UNC119B: variants seen among roughly 807,000 people sequenced by gnomAD.
UNC119B encodes unc-119 lipid binding chaperone B, also known as protein unc-119 homolog B.
UNC119B carries 16 observed loss-of-function variants against 23.4 expected under a neutral mutation model. The observed-to-expected ratio is 0.68, with a 90% confidence interval of 0.46 to 1.04. The LOEUF (loss-of-function observed/expected upper bound fraction) is 1.04. UNC119B is among the 50% of genes least tolerant of loss of function. The pLI is 0.00. For missense variants in UNC119B, 350 were observed against 361.3 expected, an observed-to-expected ratio of 0.97 and a Z score of 0.25; for synonymous variants, 144 against 145.4, an observed-to-expected ratio of 0.99 and a Z score of 0.07.
chr12:120,713,434 G>A (rs1322601455), intron 2 of UNC119B, 47 bp downstream of exon 2: 4 of 1,445,906 alleles, frequency 2.8e-6, no homozygotes, highest in Admixed American at 1.8e-5. Flanking sequence ...TGAGCCAAAG[G>A]TCTTTGAAAC....
intron 1 of UNC119B, among the ~76,000 whole-genome samples, chr12:120,712,805 G>A (rs1376877424): frequency 6.6e-6 from 1 of 152,210 alleles, no homozygotes; most frequent in Non-Finnish European, 1.5e-5. Flanking sequence ...TGGCGGCAAA[G>A]CCTAAATTAT....
chr12:120,718,193 C>T (rs545222507), intron 4 of UNC119B, among the ~76,000 whole-genome samples: 4 of 152,132 alleles, frequency 2.6e-5, no homozygotes, highest in Admixed American at 1.3e-4. Flanking sequence ...ATAATACAGG[C>T]CATCCTTTTA....
At chr12:120,713,624 T>C (rs558968495) in intron 2 of UNC119B, among the ~76,000 whole-genome samples, 1 of 152,334 alleles carries the variant, frequency 6.6e-6, no homozygotes, top group South Asian at 2.1e-4. Context: ...TGCACATCAG[T>C]GTATGTAATC....
Position 120,710,554 on chromosome 12 carries a change from A to G in UNC119B, c.80A>G (p.Lys27Arg), listed in dbSNP as rs751823475. 8.6e-6 allele frequency: 12 copies of G among 1,392,740 alleles called. No individual in the cohort carries two copies. The South Asian group carries it at 1.3e-4, about 15-fold the overall frequency. The allele number at this position is 1,392,740 out of a possible 1,614,324, so 86.3% of individuals were successfully genotyped here. A position where few individuals can be genotyped will look rare whatever the true frequency, so the allele number is the denominator to read the frequency against. The change falls in exon 1 of 5, where the codon AAG (lysine) becomes AGG (arginine). Residue 27 changes from lysine (K) to arginine (R), a missense_variant. Physicochemically the swap from Lys to Arg is conservative, Grantham distance 26. Coordinates refer to ENST00000344651, the MANE Select transcript of UNC119B (RefSeq NM_001080533.3). ...PGGLVAGKEE[K>R]KKAGGGVLNR... ...GGGCTGGTGGCTGGCAAGGAGGAGA[A>G]GAAGAAGGCGGGCGGCGGCGTCCTG...
At position 120,716,918 on chromosome 12, in the gene UNC119B, C is replaced by G. The variant is rs756840660; in HGVS notation, c.519C>G (p.Ile173Met). ...GDKPVSNFRM[I>M]ERHYFREHLL... ...AACCTGTTTCAAACTTCCGGATGAT[C>G]GAACGGCACTATTTCCGGGAACACT... Residue 173 changes from isoleucine (I) to methionine (M), a missense_variant, in exon 4 of 5, where the codon ATC (isoleucine) becomes ATG (methionine). Ile to Met is a conservative substitution (Grantham distance 10). Coordinates refer to ENST00000344651, the MANE Select transcript of UNC119B (RefSeq NM_001080533.3). 1 of 1,613,240 alleles carries G rather than the reference C, an allele frequency of 6.2e-7. No individual in the cohort carries two copies. The highest frequency in any genetic ancestry group is 8.5e-7 in the Non-Finnish European group (1 of 1,179,614).
Position 120,722,337 on chromosome 12 carries a change from G to T in UNC119B, c.*2305G>T, listed in dbSNP as rs1315705624. ...GAAAGTCTGGTGTTCTGTATCTGGG[G>T]CTGTGGGTTCCTGTGTCTAGCTGCT... is the stretch of plus-strand genomic sequence containing the variant. On this transcript the variant is annotated 3_prime_UTR_variant, in exon 5 of 5. Transcript: ENST00000344651. 6.6e-6 allele frequency: 1 copy of T among 152,510 alleles called. No homozygotes were observed. The highest frequency in any genetic ancestry group is 1.5e-5 in the Non-Finnish European group (1 of 68,266). The allele number at this position is 152,510 out of a possible 1,614,324, so 9.4% of individuals were successfully genotyped here.
Position 120,713,322 on chromosome 12 carries a change from G to T in UNC119B, c.293G>T (p.Arg98Leu). ...AACATCTACAGTATTGATTTCACCC[G>T]CTTCAAAATTCGAGATTTGGAGACA... ...EDNIYSIDFTRFKIRDLETGT... is the reference protein window; with the variant it reads ...EDNIYSIDFTLFKIRDLETGT... The change falls in exon 2 of 5, where the codon CGC becomes CTC. Residue 98 changes from arginine to leucine, a missense_variant. Coordinates refer to ENST00000344651, the MANE Select transcript of UNC119B (RefSeq NM_001080533.3). 1 of 1,613,948 alleles carries T rather than the reference G, an allele frequency of 6.2e-7. No homozygotes were observed.
rs527801730 is a variant in UNC119B at position 120,712,077 on chromosome 12, A to G, written c.245-1197A>G. On this transcript the variant is annotated intron_variant, in intron 1 of 4. Transcript: ENST00000344651. ...ACCTCATGCCCTCTCCTGCCATCCA[A>G]GTGAGTTAGGGTATTCTGTGCCTGG... Among the ~76,000 whole-genome samples the G allele has an allele frequency of 8.7e-4, 133 of 152,230 alleles. 1 individual carries two copies. The highest frequency in any genetic ancestry group is 1.4e-3 in the Non-Finnish European group (98 of 68,024).
At chr12:120,710,870 TG>T (rs1390750999) in intron 1 of UNC119B, 152 bp downstream of exon 1, 6 of 682,946 alleles carry the variant, frequency 8.8e-6, no homozygotes, top group Non-Finnish European at 1.2e-5. Context: ...GGCCGGGCTT[TG>T]CTCCCGCCAC....
At position 120,716,639 on chromosome 12, in the gene UNC119B, G is replaced by A. The variant is rs1180344234; in HGVS notation, c.370G>A (p.Asp124Asn). ...GTGTGCTCTTTCAGACCAGGAGGAGGATGAGGAGGAGGGAGGTGGAGACGT... is the reference window on the plus strand; with the variant it reads ...GTGTGCTCTTTCAGACCAGGAGGAGAATGAGGAGGAGGGAGGTGGAGACGT... ...AKPCVSDQEE[D>N]EEEGGGDVDI... is the part of the protein sequence containing the mutation. The change falls in exon 3 of 5, where the codon GAT becomes AAT. Residue 124 changes from aspartate (D) to asparagine (N), a missense_variant. Physicochemically the swap from Asp to Asn is conservative, Grantham distance 23. Transcript: ENST00000344651. The A allele has an allele frequency of 6.2e-7, 1 of 1,614,196 alleles. No homozygotes were observed. The highest frequency in any genetic ancestry group is 1.3e-5 in the African/African-American group (1 of 75,054).
In UNC119B at chr12:120,723,440, A is replaced by G. The variant is rs979665991; in HGVS notation, c.*3408A>G. 3 of 152,452 alleles carry G rather than the reference A, an allele frequency of 2.0e-5. No individual in the cohort carries two copies. Among genetic ancestry groups the G allele is most frequent in the Non-Finnish European group, 2.9e-5 (2 of 68,010 alleles). 9.4% of individuals were successfully genotyped at this position (152,452 alleles called of 1,614,324 possible). ...AAAGTCATTGAAGTTGTGAAAGTCT[A>G]TTTTTTTTCCTGTAAATCTATTTTT... On this transcript the variant is annotated 3_prime_UTR_variant, in exon 5 of 5. Transcript: ENST00000344651.
chr12:120,715,521 CTTTTTTTTTTTT>C (rs55906857), intron 2 of UNC119B, among the ~76,000 whole-genome samples: 118 of 71,534 alleles, frequency 1.6e-3, no homozygotes, highest in East Asian at 2.3e-3. Context: ...TTCTCTGATT[CTTTTTTTTTTTT>C]TTTTTTTTTT....
At chr12:120,719,354 A>T (rs980407036) in intron 4 of UNC119B, among the ~76,000 whole-genome samples, 3 of 152,224 alleles carry the variant, frequency 2.0e-5, no homozygotes, top group Admixed American at 2.0e-4. Flanking sequence ...AGACAGGCAG[A>T]CCTATTGCTG....
In UNC119B at chr12:120,720,038, G is replaced by T; in HGVS notation, c.*6G>T. 1 of 1,602,892 alleles carries T rather than the reference G, an allele frequency of 6.2e-7. No individual in the cohort carries two copies. The highest frequency in any genetic ancestry group is 8.5e-7 in the Non-Finnish European group (1 of 1,170,042). On this transcript the variant is annotated 3_prime_UTR_variant, in exon 5 of 5. Transcript: ENST00000344651. ...CCTATAATGGAGGCCAGTAAGTGCTGCAAGAGTAGATAGGGGAGGTGCTTT... is the reference window on the plus strand; with the variant it reads ...CCTATAATGGAGGCCAGTAAGTGCTTCAAGAGTAGATAGGGGAGGTGCTTT...
rs758854634 is a variant in UNC119B at position 120,721,134 on chromosome 12, A to C, written c.*1102A>C. ...GGAGGGTTTTCCTATCTACCTTTCT[A>C]CTGAAGTAGTTTCTGGAACTTTCCT... is the stretch of plus-strand genomic sequence containing the variant. On this transcript the variant is annotated 3_prime_UTR_variant, in exon 5 of 5. Coordinates refer to ENST00000344651, the MANE Select transcript of UNC119B (RefSeq NM_001080533.3). 1 of 152,168 alleles carries C rather than the reference A, an allele frequency of 6.6e-6. No homozygotes were observed. The highest frequency in any genetic ancestry group is 1.5e-5 in the Non-Finnish European group (1 of 68,032). 9.4% of individuals were successfully genotyped at this position (152,168 alleles called of 1,614,324 possible). A position where few individuals can be genotyped will look rare whatever the true frequency, so the allele number is the denominator to read the frequency against.
chr12:120,718,020 C>T (rs988180014), intron 4 of UNC119B, among the ~76,000 whole-genome samples: 1 of 152,092 alleles, frequency 6.6e-6, no homozygotes, highest in Admixed American at 6.6e-5. Context: ...AGGTGCCCAC[C>T]ACCATGCCCG....
chr12:120,717,868 G>GTT (rs1255318406), intron 4 of UNC119B, among the ~76,000 whole-genome samples: 9 of 135,536 alleles, frequency 6.6e-5, no homozygotes, highest in Admixed American at 7.5e-5. Context: ...CAGTCTGAAG[G>GTT]TTTTTTTTTT....
rs922595738 is a variant in UNC119B, at chr12:120,722,244, G to C, written c.*2212G>C. On this transcript the variant is annotated 3_prime_UTR_variant, in exon 5 of 5. Transcript: ENST00000344651. ...TCCTCTTCCTTGTTAGCTTGCCTTA[G>C]TCTCACTGGAGACCATTTGCGGATA... 6 of 152,294 alleles carry C rather than the reference G, an allele frequency of 3.9e-5. No homozygotes were observed. Among genetic ancestry groups the C allele is most frequent in the African/African-American group, 1.2e-4 (5 of 41,446 alleles). 9.4% of individuals were successfully genotyped at this position (152,294 alleles called of 1,614,324 possible). A position where few individuals can be genotyped will look rare whatever the true frequency, so the allele number is the denominator to read the frequency against.
At chr12:120,717,548 C>G (rs985398425) in intron 4 of UNC119B, among the ~76,000 whole-genome samples, 1 of 149,770 alleles carries the variant, frequency 6.7e-6, no homozygotes, top group African/African-American at 2.5e-5. Context: ...TGAGCCACTG[C>G]CCCCGGCCCT....
Sources: allele counts gnomAD v4.1 joint callset (sites outside exome capture counted in the v4.1 genomes callset), GRCh38; gene constraint gnomAD v4.1.1; transcripts MANE v1.5; gene names NCBI Gene and HGNC (gene_info 2026-07-23, HGNC 2026-07-21).